ALPK2: variants seen among roughly 807,000 people sequenced by gnomAD.
ALPK2 encodes the protein alpha kinase 2.
ALPK2 carries 127 observed loss-of-function variants against 163.1 expected under a neutral mutation model. The ratio of observed to expected loss-of-function variants is 0.78; its 90% CI spans 0.67 to 0.90. The LOEUF is 0.90. Ranked by LOEUF, ALPK2 falls within the 40% of genes least tolerant of loss-of-function variation. The pLI is 0.00. For synonymous variants in ALPK2, 953 were observed against 959.1 expected (o/e 0.99, Z 0.12); for missense variants, 2,360 against 2,589.6 (o/e 0.91, Z 1.92).
chr18:58,567,374 A>T (rs892153755), intron 4 of ALPK2, among the ~76,000 whole-genome samples: 5 of 151,972 alleles, frequency 3.3e-5, no homozygotes, highest in Admixed American at 6.6e-5. Context: ...ACAGAGCAAG[A>T]CTCTGCCTCA....
intron 9 of ALPK2, among the ~76,000 whole-genome samples, chr18:58,515,401 T>C (rs1037432789): frequency 3.9e-5 from 6 of 152,192 alleles, no homozygotes; most frequent in Non-Finnish European, 7.3e-5. Flanking sequence ...CATCACGTCA[T>C]CAGGTGGCAC....
intron 12 of ALPK2, among the ~76,000 whole-genome samples, chr18:58,490,628 GA>G (rs1241209119): frequency 6.0e-4 from 85 of 142,052 alleles, no homozygotes; most frequent in Non-Finnish European, 5.7e-4. Flanking sequence ...CCTGGCTGGA[GA>G]AAAAAAAAAA....
chr18:58,567,950 G>A (rs1001774317), intron 4 of ALPK2, among the ~76,000 whole-genome samples: 3 of 152,188 alleles, frequency 2.0e-5, no homozygotes, highest in South Asian at 2.1e-4. Flanking sequence ...TGAGGTCTCC[G>A]CACCCTCAAG....
At chr18:58,485,247 G>A (rs924691855) in intron 12 of ALPK2, among the ~76,000 whole-genome samples, 7 of 152,164 alleles carry the variant, frequency 4.6e-5, no homozygotes, top group African/African-American at 1.7e-4. Flanking sequence ...GGCATGTTGC[G>A]GATTCTGTAG....
intron 12 of ALPK2, among the ~76,000 whole-genome samples, 185 bp downstream of exon 12, chr18:58,497,864 C>G (rs1298235806): frequency 6.6e-6 from 1 of 152,122 alleles, no homozygotes; most frequent in African/African-American, 2.4e-5. Flanking sequence ...AAATGTGCTC[C>G]CCTGTGAGAA....
chr18:58,618,180 G>A (rs2144238902), intron 1 of ALPK2, among the ~76,000 whole-genome samples: 1 of 152,258 alleles, frequency 6.6e-6, no homozygotes, highest in East Asian at 1.9e-4. Context: ...TGAGTAGCTG[G>A]GATCACAGGC....
At chr18:58,606,507 T>C (rs187159128) in intron 3 of ALPK2, among the ~76,000 whole-genome samples, 1 of 152,226 alleles carries the variant, frequency 6.6e-6, no homozygotes, top group South Asian at 2.1e-4. Context: ...GTTTTATAGA[T>C]GATGAAATTG....
intron 4 of ALPK2, among the ~76,000 whole-genome samples, chr18:58,551,294 G>A (rs1266791719): frequency 1.3e-5 from 2 of 152,152 alleles, no homozygotes; most frequent in East Asian, 1.9e-4. Flanking sequence ...GCACTCCTCT[G>A]GAGGTCCTCC....
Position 58,535,735 on chromosome 18 carries a change from A to T in ALPK2, c.4452T>A (p.Pro1484=). 3 of 1,614,172 alleles carry T rather than the reference A, an allele frequency of 1.9e-6. No individual in the cohort carries two copies. Among genetic ancestry groups the T allele is most frequent in the Non-Finnish European group, 2.5e-6 (3 of 1,180,008 alleles). ...SMKQEAEQIQ[P]EEAKTAIWQV... ...GCCAAATGGCAGTTTTTGCCTCCTC[A>T]GGTTGAATTTGTTCAGCCTCCTGCT... The change falls in exon 5 of 13, where the codon CCT becomes CCA. Residue 1484 remains proline, a synonymous_variant. Coordinates refer to ENST00000361673, the MANE Select transcript of ALPK2 (RefSeq NM_052947.4).
chr18:58,553,964 C>T (rs966108445), intron 4 of ALPK2, among the ~76,000 whole-genome samples: 2 of 140,988 alleles, frequency 1.4e-5, no homozygotes, highest in Admixed American at 7.6e-5. Flanking sequence ...CAGGTTCAAG[C>T]GATTCTCCTG....
chr18:58,517,693 ATTTG>A (rs1296706234), intron 8 of ALPK2, among the ~76,000 whole-genome samples: 1 of 152,042 alleles, frequency 6.6e-6, no homozygotes, highest in East Asian at 1.9e-4. Context: ...CCATATGTAT[ATTTG>A]TTCTTTATAC....
intron 3 of ALPK2, among the ~76,000 whole-genome samples, chr18:58,596,921 A>C (rs548965171): frequency 6.6e-6 from 1 of 152,122 alleles, no homozygotes; most frequent in East Asian, 1.9e-4. Context: ...CCCAGGCCCA[A>C]CCAGTTCTCC....
Position 58,538,193 on chromosome 18 carries a change from AT to A in ALPK2, c.1993del (p.Ile665SerfsTer30). 1 of 1,612,286 alleles carries A rather than the reference AT, an allele frequency of 6.2e-7. No individual in the cohort carries two copies. The highest frequency in any genetic ancestry group is 1.1e-5 in the South Asian group (1 of 91,074). On this transcript the variant is annotated frameshift_variant, in exon 5 of 13. Coordinates refer to ENST00000361673, the MANE Select transcript of ALPK2 (RefSeq NM_052947.4). LOFTEE classifies it high-confidence loss of function. ...VQVQETVRET[I>X]SCSQMPAFSE... The stretch of plus-strand genomic sequence containing the variant: ...GAAAGCTGGCATCTGGCTGCAAGAG[AT>A]TGTCTCTCTGACTGTTTCCTGAACT...
intron 10 of ALPK2, among the ~76,000 whole-genome samples, chr18:58,512,739 TATGTG>T (rs61674230): frequency 0.35 from 52,140 of 148,746 alleles, 10,102 homozygotes; most frequent in South Asian, 0.57. Flanking sequence ...GTGTGTGTGT[TATGTG>T]GTGTGTGTTG....
In ALPK2 at chr18:58,579,323, G is replaced by T. The variant is rs778710617; in HGVS notation, c.1453C>A (p.Leu485Ile). The change falls in exon 4 of 13, where the codon CTC becomes ATC. Residue 485 changes from leucine to isoleucine, a missense_variant. Transcript: ENST00000361673. ...AREEFASDNL[L>I]NMDESVRETE... ...TCTCTTACTGATTCATCCATGTTGA[G>T]CAGATTGTCACTGGCAAATTCCTCT... 1.9e-6 allele frequency: 3 copies of T among 1,614,058 alleles called. No homozygotes were observed. The highest frequency in any genetic ancestry group is 2.5e-6 in the Non-Finnish European group (3 of 1,180,046).
rs144732968 is a variant in ALPK2, at chr18:58,536,182, T to C, written c.4005A>G (p.Gln1335=). Reference sequence around the variant, plus strand: ...CCACGGATGACTCCAGGAGTCTGGGTTGGCTGAAACCCCGGGAAGAAAGAC... The same window carrying C: ...CCACGGATGACTCCAGGAGTCTGGGCTGGCTGAAACCCCGGGAAGAAAGAC... The part of the protein sequence containing the change: ...WRSLSSRGFS[Q]PRLLESSVDP... The change falls in exon 5 of 13, where the codon CAA becomes CAG. Residue 1335 remains glutamine, a synonymous_variant. Transcript: ENST00000361673. The C allele has an allele frequency of 9.1e-5, 147 of 1,614,196 alleles. No individual in the cohort carries two copies. In the African/African-American group the frequency reaches 1.7e-3, roughly 18 times the overall value.
In ALPK2 at chr18:58,538,206, C is replaced by T. The variant is rs148663006; in HGVS notation, c.1981G>A (p.Val661Ile). 1.2e-5 allele frequency: 20 copies of T among 1,610,822 alleles called. No homozygotes were observed. Among genetic ancestry groups the T allele is most frequent in the Non-Finnish European group, 1.7e-5 (20 of 1,179,926 alleles). ...TGGCTGCAAGAGATTGTCTCTCTGA[C>T]TGTTTCCTGAACTTGTACCTAGGAA... ...DPPQVQVQET[V>I]RETISCSQMP... is the part of the protein sequence containing the mutation. The change falls in exon 5 of 13, where the codon GTC becomes ATC. Residue 661 changes from valine (V) to isoleucine (I), a missense_variant. By Grantham distance (29) the Val-to-Ile change is conservative (BLOSUM62 3). Coordinates refer to ENST00000361673, the MANE Select transcript of ALPK2 (RefSeq NM_052947.4).
intron 10 of ALPK2, among the ~76,000 whole-genome samples, chr18:58,506,082 T>C (rs901609708): frequency 6.6e-5 from 10 of 152,114 alleles, no homozygotes; most frequent in Admixed American, 2.6e-4. Context: ...CACATTTATG[T>C]CCCCAGTCCA....
At chr18:58,533,019 C>A (rs190721000) in intron 5 of ALPK2, among the ~76,000 whole-genome samples, 3 of 152,302 alleles carry the variant, frequency 2.0e-5, no homozygotes, top group Admixed American at 2.0e-4. Flanking sequence ...TGAGTAACAA[C>A]CCTTCAGTGG....
Sources: allele counts gnomAD v4.1 joint callset (sites outside exome capture counted in the v4.1 genomes callset), GRCh38; gene constraint gnomAD v4.1.1; transcripts MANE v1.5; gene names NCBI Gene and HGNC (gene_info 2026-07-23, HGNC 2026-07-21).